UNC13C: variants seen among roughly 807,000 people sequenced by gnomAD.
UNC13C encodes unc-13 homolog C.
UNC13C carries 174 observed loss-of-function variants against 245.4 expected under a neutral mutation model. The ratio of observed to expected loss-of-function variants is 0.71; its 90% CI spans 0.63 to 0.80. The LOEUF is 0.80. UNC13C is among the 30% of genes least tolerant of loss of function. UNC13C has a pLI of 0.00. For missense variants in UNC13C, 2,829 were observed against 2,602.9 expected (o/e 1.09, Z -1.89); for synonymous variants, 992 against 895.1 (o/e 1.11, Z -1.93).
intron 4 of UNC13C, among the ~76,000 whole-genome samples, chr15:54,195,020 G>C (rs886791399): frequency 6.6e-6 from 1 of 151,932 alleles, no homozygotes; most frequent in Non-Finnish European, 1.5e-5. Context: ...TCCACGAATA[G>C]AATATTGAGT....
the UNC13C span, among the ~76,000 whole-genome samples, chr15:53,905,298 A>T: frequency 6.6e-6 from 1 of 152,028 alleles, no homozygotes; most frequent in Non-Finnish European, 1.5e-5. Context: ...ATATAGAAAC[A>T]ATCTAAGTGT....
intron 2 of UNC13C, among the ~76,000 whole-genome samples, chr15:54,056,700 C>T (rs1897543576): frequency 1.3e-5 from 2 of 152,084 alleles, no homozygotes; most frequent in East Asian, 1.9e-4. Context: ...ATGTTAAGGG[C>T]AGCCAGAGAG....
intron 30 of UNC13C, among the ~76,000 whole-genome samples, chr15:54,568,278 A>G (rs1232982227): frequency 1.3e-5 from 2 of 152,134 alleles, no homozygotes; most frequent in African/African-American, 4.8e-5. Context: ...AATTCAGTAT[A>G]AAAGACTCAG....
chr15:54,599,416 GC>G (rs1899279696), intron 30 of UNC13C, among the ~76,000 whole-genome samples: 1 of 152,002 alleles, frequency 6.6e-6, no homozygotes, highest in Admixed American at 6.6e-5. Flanking sequence ...TCTTGTACAA[GC>G]CTGCAGTGTA....
rs1157142633 is a variant in UNC13C at position 54,014,510 on chromosome 15, A to G, written c.1607A>G (p.His536Arg). 6.2e-7 allele frequency: 1 copy of G among 1,613,852 alleles called. No homozygotes were observed. Among genetic ancestry groups the G allele is most frequent in the East Asian group, 2.2e-5 (1 of 44,886 alleles). ...THYADATPLW[H>R]SQSDFFTAKL... ...TATGCAGATGCAACACCTCTCTGGC[A>G]CTCACAGAGTGATTTTTTCACTGCT... Residue 536 changes from histidine to arginine, a missense_variant, in exon 2 of 33, where the codon CAC (histidine) becomes CGC (arginine). Physicochemically the swap from His to Arg is conservative, Grantham distance 29 (BLOSUM62 0). Transcript: ENST00000260323.
intron 2 of UNC13C, among the ~76,000 whole-genome samples, chr15:54,061,326 T>C (rs577975449): frequency 6.6e-6 from 1 of 152,276 alleles, no homozygotes; most frequent in East Asian, 1.9e-4. Context: ...GAATAATGTC[T>C]CTGCTCCCTC....
chr15:54,227,926 T>G (rs1485459863), intron 4 of UNC13C, among the ~76,000 whole-genome samples: 2 of 152,218 alleles, frequency 1.3e-5, no homozygotes, highest in African/African-American at 2.4e-5. Flanking sequence ...GCTTGTGTCC[T>G]TCCCTTCAGG....
At chr15:54,589,730 T>C (rs1471508330) in intron 30 of UNC13C, among the ~76,000 whole-genome samples, 1 of 152,178 alleles carries the variant, frequency 6.6e-6, no homozygotes, top group Non-Finnish European at 1.5e-5. Context: ...AAGTATAGAT[T>C]GTGAACATTT....
At chr15:54,237,935 C>T (rs2035747752) in intron 7 of UNC13C, among the ~76,000 whole-genome samples, 1 of 152,124 alleles carries the variant, frequency 6.6e-6, no homozygotes, top group Admixed American at 6.5e-5. Context: ...CATAGCTTCC[C>T]TGTTATTCTC....
intron 17 of UNC13C, among the ~76,000 whole-genome samples, chr15:54,340,763 G>A (rs867007140): frequency 3.9e-5 from 6 of 152,072 alleles, no homozygotes; most frequent in African/African-American, 1.4e-4. Context: ...TGCTTTGGCT[G>A]TGTGGGCTCT....
intron 17 of UNC13C, among the ~76,000 whole-genome samples, chr15:54,342,182 A>G (rs1049651638): frequency 2.0e-5 from 3 of 152,080 alleles, no homozygotes; most frequent in African/African-American, 7.2e-5. Flanking sequence ...TCTGTTACTT[A>G]TTAATTTATA....
the UNC13C span, among the ~76,000 whole-genome samples, chr15:53,906,692 C>G: frequency 6.6e-6 from 1 of 152,162 alleles, no homozygotes; most frequent in Non-Finnish European, 1.5e-5. Context: ...TGGCCATACC[C>G]AGTACCCTGT....
At chr15:54,176,350 T>C (rs1897050) in intron 4 of UNC13C, among the ~76,000 whole-genome samples, 16,143 of 152,148 alleles carry the variant, frequency 0.11, 1,448 homozygotes, top group African/African-American at 0.24. Context: ...TTATGTTCTA[T>C]TAAAGAAACA....
intron 1 of UNC13C, among the ~76,000 whole-genome samples, chr15:53,995,413 C>T (rs1261310743): frequency 6.6e-6 from 1 of 152,076 alleles, no homozygotes; most frequent in Non-Finnish European, 1.5e-5. Flanking sequence ...CCCTCTGGGG[C>T]CATCTGGTCT....
intron 4 of UNC13C, among the ~76,000 whole-genome samples, chr15:54,146,311 C>T (rs923122067): frequency 2.1e-4 from 32 of 152,146 alleles, no homozygotes; most frequent in Admixed American, 1.3e-4. Flanking sequence ...TCTACCTTCG[C>T]CATCCCCAAT....
At chr15:53,960,882 T>C in the UNC13C span, among the ~76,000 whole-genome samples, 1 of 152,332 alleles carries the variant, frequency 6.6e-6, no homozygotes, top group African/African-American at 2.4e-5. Flanking sequence ...ATTTTATATA[T>C]CACAGACACA....
intron 28 of UNC13C, among the ~76,000 whole-genome samples, chr15:54,552,605 TAATTATATA>T (rs1896836708): frequency 1.8e-5 from 1 of 57,052 alleles, no homozygotes; most frequent in Non-Finnish European, 2.9e-5. Context: ...ATATAATATA[TAATTATATA>T]ATTATATTAT....
chr15:54,592,560 T>A (rs1898851161), intron 30 of UNC13C, among the ~76,000 whole-genome samples: 1 of 152,012 alleles, frequency 6.6e-6, no homozygotes. Flanking sequence ...TCCCTTTTTG[T>A]CTCTTTTAAC....
chr15:54,608,039 C>T (rs1596665435), intron 30 of UNC13C, among the ~76,000 whole-genome samples: 1 of 152,074 alleles, frequency 6.6e-6, no homozygotes, highest in African/African-American at 2.4e-5. Flanking sequence ...AGTTTCTCTC[C>T]ACTAAACAGA....
Sources: gnomAD v4.1 joint callset for allele counts (sites outside exome capture counted in the v4.1 genomes callset) on GRCh38, gnomAD v4.1.1 for gene constraint, MANE v1.5 for transcripts, NCBI Gene and HGNC (gene_info 2026-07-23, HGNC 2026-07-21) for gene names.